Variants in GALNT13 observed in about 807,000 individuals in gnomAD.
The protein encoded by GALNT13 is polypeptide N-acetylgalactosaminyltransferase 13.
A neutral mutation model predicts 64.2 loss-of-function variants in GALNT13; 28 were observed. That is an observed-to-expected ratio of 0.44 (90% CI 0.32 to 0.60). The LOEUF is 0.60. GALNT13 is among the 20% of genes least tolerant of loss of function. GALNT13 has a pLI of 0.05. For synonymous variants in GALNT13, 214 were observed against 224.6 expected (o/e 0.95, Z 0.42); for missense variants, 577 against 669.8 (o/e 0.86, Z 1.53).
chr2:154,051,991 A>T (rs1346209031), intron 3 of GALNT13, among the ~76,000 whole-genome samples: 1 of 148,818 alleles, frequency 6.7e-6, no homozygotes, highest in African/African-American at 2.5e-5. Flanking sequence ...AAAGTGGTGA[A>T]TTTTTTTTTT....
intron 10 of GALNT13, 134 bp downstream of exon 10, chr2:154,396,264 A>C (rs1699048176): frequency 2.0e-6 from 1 of 495,868 alleles, no homozygotes; most frequent in Non-Finnish European, 3.3e-6. Flanking sequence ...ACAACTTCTC[A>C]TATTTCAAGG....
At chr2:153,178,026 C>T in the GALNT13 span, among the ~76,000 whole-genome samples, 1 of 152,152 alleles carries the variant, frequency 6.6e-6, no homozygotes, top group South Asian at 2.1e-4. Flanking sequence ...TCCATATTGT[C>T]ACAAATGACA....
chr2:153,833,259 ATGG>A, the GALNT13 span, among the ~76,000 whole-genome samples: 1 of 152,158 alleles, frequency 6.6e-6, no homozygotes, highest in South Asian at 2.1e-4. Flanking sequence ...AAGCATAGTG[ATGG>A]TGGTAATTCT....
the GALNT13 span, among the ~76,000 whole-genome samples, chr2:153,535,570 A>G: frequency 2.0e-5 from 3 of 152,176 alleles, no homozygotes; most frequent in Non-Finnish European, 4.4e-5. Context: ...CTGGAATGAG[A>G]CTGGGGCCTA....
chr2:154,192,406 C>G (rs931565519), intron 4 of GALNT13, among the ~76,000 whole-genome samples: 1 of 152,126 alleles, frequency 6.6e-6, no homozygotes, highest in African/African-American at 2.4e-5. Flanking sequence ...CCCAGGGACC[C>G]GCCCTTCTCC....
chr2:153,148,105 A>G, the GALNT13 span, among the ~76,000 whole-genome samples: 5 of 151,908 alleles, frequency 3.3e-5, no homozygotes. Flanking sequence ...GGGGAACTCT[A>G]ATAAAAGAAA....
chr2:154,028,776 A>G lies in GALNT13; in HGVS notation c.142+84137A>G, dbSNP rs547581129. ...GATACAACATATGAATTAATAACTA[A>G]ACAGGAGACTTAGACTTACTTCCAA... is the stretch of plus-strand genomic sequence containing the variant. On this transcript the variant is annotated intron_variant, in intron 3 of 12. Coordinates refer to ENST00000392825, the MANE Select transcript of GALNT13 (RefSeq NM_052917.4). Among the ~76,000 whole-genome samples, 3 of 152,242 alleles carry G rather than the reference A, an allele frequency of 2.0e-5. No homozygotes were observed. The East Asian group carries it at 5.8e-4, about 29-fold the overall frequency.
the GALNT13 span, among the ~76,000 whole-genome samples, chr2:153,124,191 T>C: frequency 1.5e-4 from 23 of 152,270 alleles, no homozygotes; most frequent in African/African-American, 5.5e-4. Flanking sequence ...TAGTGTAATG[T>C]GTTAAGTTTA....
intron 4 of GALNT13, among the ~76,000 whole-genome samples, chr2:154,151,321 A>G (rs1478577102): frequency 6.6e-6 from 1 of 152,112 alleles, no homozygotes; most frequent in East Asian, 1.9e-4. Context: ...CTGTTCTTTT[A>G]CATTTGCTGA....
At chr2:153,724,974 A>G in the GALNT13 span, among the ~76,000 whole-genome samples, 29 of 151,790 alleles carry the variant, frequency 1.9e-4, no homozygotes, top group African/African-American at 6.0e-4. Flanking sequence ...CCAAATGACT[A>G]TAAATCATGC....
the GALNT13 span, among the ~76,000 whole-genome samples, chr2:153,247,674 C>A: frequency 2.0e-5 from 3 of 149,832 alleles, no homozygotes; most frequent in African/African-American, 7.5e-5. Flanking sequence ...CAGGAGCAAA[C>A]ACATTCAAAA....
chr2:153,608,745 GT>G, the GALNT13 span, among the ~76,000 whole-genome samples: 1 of 146,840 alleles, frequency 6.8e-6, no homozygotes, highest in East Asian at 2.0e-4. Flanking sequence ...ATATAAATAT[GT>G]TTTTATAAGT....
At chr2:154,056,645 G>A (rs1380296190) in intron 3 of GALNT13, among the ~76,000 whole-genome samples, 1 of 152,098 alleles carries the variant, frequency 6.6e-6, no homozygotes, top group Non-Finnish European at 1.5e-5. Context: ...GATAACAACT[G>A]CTTAAATTTT....
At chr2:153,330,979 A>T in the GALNT13 span, among the ~76,000 whole-genome samples, 2 of 152,106 alleles carry the variant, frequency 1.3e-5, no homozygotes, top group South Asian at 4.1e-4. Context: ...GAGGGTTTTT[A>T]TCATGCAGGA....
intron 3 of GALNT13, among the ~76,000 whole-genome samples, chr2:154,010,150 A>C (rs1330313766): frequency 6.6e-6 from 1 of 151,936 alleles, no homozygotes; most frequent in East Asian, 1.9e-4. Context: ...GGATGCCTTT[A>C]TTTCTTTCTC....
the GALNT13 span, among the ~76,000 whole-genome samples, chr2:153,349,687 T>A: frequency 6.6e-6 from 1 of 152,042 alleles, no homozygotes; most frequent in Non-Finnish European, 1.5e-5. Context: ...ATCCAACTCC[T>A]AGGAAAAGGA....
chr2:154,151,419 G>A (rs991499116), intron 4 of GALNT13, among the ~76,000 whole-genome samples: 1 of 152,166 alleles, frequency 6.6e-6, no homozygotes, highest in African/African-American at 2.4e-5. Flanking sequence ...GATTTGGCGT[G>A]GAGAGTTCTG....
chr2:153,879,211 A>G (rs975388109), intron 1 of GALNT13, among the ~76,000 whole-genome samples: 15 of 152,228 alleles, frequency 9.9e-5, no homozygotes, highest in Non-Finnish European at 2.1e-4. Context: ...AATCATAAAG[A>G]CCTTCAAAAG....
chr2:153,503,385 C>T, the GALNT13 span, among the ~76,000 whole-genome samples: 1 of 151,990 alleles, frequency 6.6e-6, no homozygotes, highest in Non-Finnish European at 1.5e-5. Context: ...GATCAGTTGG[C>T]TTCATTTCTG....
Sources: allele counts gnomAD v4.1 joint callset (sites outside exome capture counted in the v4.1 genomes callset), GRCh38; gene constraint gnomAD v4.1.1; transcripts MANE v1.5; gene names NCBI Gene and HGNC (gene_info 2026-07-23, HGNC 2026-07-21).